Variants in SRGAP2B observed in about 807,000 individuals in gnomAD.
SRGAP2B encodes SLIT-ROBO Rho GTPase-activating protein 2B.
A neutral mutation model predicts 22.2 loss-of-function variants in SRGAP2B; 9 were observed. The observed-to-expected ratio is 0.41, with a 90% CI of 0.24 to 0.71. The LOEUF (loss-of-function observed/expected upper bound fraction) is 0.71. Ranked by LOEUF, SRGAP2B falls within the 30% of genes least tolerant of loss-of-function variation. The probability of loss-of-function intolerance (pLI) is 0.35; values close to 1 mark genes in which losing one functional copy is unlikely to be tolerated. For synonymous variants in SRGAP2B, 36 were observed against 87.4 expected (o/e 0.41, Z 3.28); for missense variants, 114 against 235.8 (o/e 0.48, Z 3.38).
intron 2 of SRGAP2B, among the ~76,000 whole-genome samples, chr1:145,045,228 C>T (rs1235485890): frequency 4.6e-5 from 5 of 109,302 alleles, no homozygotes; most frequent in Non-Finnish European, 7.2e-5. Flanking sequence ...ACCCGGGAGG[C>T]GGAGCTTGCA....
chr1:144,963,137 T>C (rs1667801949), intron 3 of SRGAP2B, among the ~76,000 whole-genome samples: 2 of 150,974 alleles, frequency 1.3e-5, no homozygotes, highest in Admixed American at 1.3e-4. Flanking sequence ...ACATCCCATG[T>C]GTTAGCACTA....
intron 2 of SRGAP2B, among the ~76,000 whole-genome samples, chr1:145,011,993 C>T (rs1672089454): frequency 6.6e-6 from 1 of 151,160 alleles, no homozygotes; most frequent in African/African-American, 2.5e-5. Context: ...TTTGCATATG[C>T]TTCCCTTCGC....
intron 2 of SRGAP2B, among the ~76,000 whole-genome samples, chr1:145,009,693 T>C (rs1471616300): frequency 6.9e-6 from 1 of 144,546 alleles, no homozygotes; most frequent in Non-Finnish European, 1.5e-5. Flanking sequence ...ATATTTGAAA[T>C]TTTTTATAAT....
At chr1:144,899,825 T>C in intron 7 of SRGAP2B, among the ~76,000 whole-genome samples, 1 of 132,398 alleles carries the variant, frequency 7.6e-6, no homozygotes, top group Middle Eastern at 4.2e-3. Flanking sequence ...GCCCTTCAGC[T>C]CCCAGAATGT....
At chr1:144,898,359 TGAA>T (rs1662436819) in intron 7 of SRGAP2B, among the ~76,000 whole-genome samples, 2 of 109,284 alleles carry the variant, frequency 1.8e-5, no homozygotes, top group African/African-American at 8.3e-5. Context: ...AGGTTTGGTT[TGAA>T]GAAAGAATTC....
intron 4 of SRGAP2B, among the ~76,000 whole-genome samples, chr1:144,924,727 G>A (rs1438271554): frequency 1.6e-4 from 19 of 116,444 alleles, no homozygotes; most frequent in Admixed American, 3.5e-4. Context: ...GCGAAACTCC[G>A]TCTCAAAAAA....
intron 4 of SRGAP2B, among the ~76,000 whole-genome samples, chr1:144,915,804 C>G (rs1394620742): frequency 6.6e-6 from 1 of 150,734 alleles, no homozygotes; most frequent in Non-Finnish European, 1.5e-5. Flanking sequence ...ACTAAGTGTT[C>G]TATGCCAAAC....
chr1:145,044,231 G>A (rs623242), intron 2 of SRGAP2B, among the ~76,000 whole-genome samples: 350 of 116,936 alleles, frequency 3.0e-3, no homozygotes, highest in African/African-American at 7.6e-3. Flanking sequence ...TTGCCAGAAA[G>A]CAAGGAAGCC....
At chr1:145,009,639 T>C (rs1260621727) in intron 2 of SRGAP2B, among the ~76,000 whole-genome samples, 3 of 147,150 alleles carry the variant, frequency 2.0e-5, no homozygotes, top group Non-Finnish European at 3.0e-5. Flanking sequence ...CAAAGTAGCA[T>C]GATGGGTACA....
At chr1:144,926,924 T>C in intron 4 of SRGAP2B, among the ~76,000 whole-genome samples, 1 of 151,470 alleles carries the variant, frequency 6.6e-6, no homozygotes, top group East Asian at 1.9e-4. Context: ...TTAACAGTGA[T>C]TATTCACTTA....
intron 2 of SRGAP2B, among the ~76,000 whole-genome samples, chr1:145,061,630 C>T (rs1258396888): frequency 2.0e-5 from 3 of 150,142 alleles, no homozygotes; most frequent in Non-Finnish European, 4.4e-5. Context: ...CTCTGTCGCC[C>T]AGACTGGAGT....
chr1:145,001,474 G>GT (rs1570976613), intron 2 of SRGAP2B, among the ~76,000 whole-genome samples: 1 of 150,570 alleles, frequency 6.6e-6, no homozygotes, highest in Non-Finnish European at 1.5e-5. Flanking sequence ...GAAAAAAACA[G>GT]TAACAAACAA....
chr1:145,038,426 C>T, intron 2 of SRGAP2B, among the ~76,000 whole-genome samples: 1 of 133,516 alleles, frequency 7.5e-6, no homozygotes, highest in Non-Finnish European at 1.5e-5. Context: ...TACTCGTCAA[C>T]ATATGCCTTT....
At chr1:144,960,533 C>G (rs1449919339) in intron 3 of SRGAP2B, among the ~76,000 whole-genome samples, 1 of 150,452 alleles carries the variant, frequency 6.6e-6, no homozygotes, top group African/African-American at 2.5e-5. Flanking sequence ...AACTTAGCAA[C>G]AAGCGCTTAA....
At chr1:144,945,264 T>C (rs1553608273) in intron 4 of SRGAP2B, among the ~76,000 whole-genome samples, 3 of 148,862 alleles carry the variant, frequency 2.0e-5, no homozygotes, top group African/African-American at 7.7e-5. Flanking sequence ...AAAAATTTGA[T>C]ATTTTTCCTA....
chr1:145,002,099 TA>T (rs1370940589), intron 2 of SRGAP2B, among the ~76,000 whole-genome samples: 2 of 95,546 alleles, frequency 2.1e-5, no homozygotes, highest in African/African-American at 9.8e-5. Context: ...TCATTCCTTA[TA>T]TCCATGTTTT....
intron 2 of SRGAP2B, among the ~76,000 whole-genome samples, chr1:145,058,287 G>A (rs1202542047): frequency 4.0e-5 from 6 of 149,526 alleles, no homozygotes; most frequent in Non-Finnish European, 8.9e-5. Context: ...AAGGCCAGAG[G>A]CTTTGTGAGT....
intron 3 of SRGAP2B, among the ~76,000 whole-genome samples, chr1:144,963,948 G>A (rs1482636386): frequency 9.3e-5 from 14 of 150,488 alleles, no homozygotes; most frequent in Non-Finnish European, 1.5e-4. Context: ...CCAAACACCC[G>A]TCCCTGGGAC....
chr1:144,997,234 A>G (rs6600698), intron 2 of SRGAP2B, among the ~76,000 whole-genome samples: 6 of 138,632 alleles, frequency 4.3e-5, no homozygotes, highest in South Asian at 4.5e-4. Context: ...CGAGACCATC[A>G]TGGCTAACAT....
Sources: allele counts gnomAD v4.1 joint callset (sites outside exome capture counted in the v4.1 genomes callset), GRCh38; gene constraint gnomAD v4.1.1; transcripts MANE v1.5; gene names NCBI Gene and HGNC (gene_info 2026-07-23, HGNC 2026-07-21).